ZNF609: variants seen among roughly 807,000 people sequenced by gnomAD.
ZNF609 encodes zinc finger protein 609.
ZNF609 carries 11 observed loss-of-function variants against 109.5 expected under a neutral mutation model. The ratio of observed to expected loss-of-function variants is 0.10; its 90% CI spans 0.06 to 0.17. The LOEUF is 0.17. Among genes scored for constraint, ZNF609 ranks in the 10% least tolerant of loss-of-function variants. The pLI is 1.00. For synonymous variants in ZNF609, 646 were observed against 662.0 expected (o/e 0.98, Z 0.37); for missense variants, 1,559 against 1,772.4 (o/e 0.88, Z 2.16).
intron 8 of ZNF609, 60 bp downstream of exon 8, chr15:64,680,922 C>G: frequency 6.3e-7 from 1 of 1,580,804 alleles, no homozygotes; most frequent in Non-Finnish European, 8.6e-7. Flanking sequence ...TTATCTTCAT[C>G]CCAGTAGTAA....
intron 2 of ZNF609, among the ~76,000 whole-genome samples, chr15:64,569,021 T>A (rs2140411818): frequency 6.6e-6 from 1 of 152,370 alleles, no homozygotes; most frequent in African/African-American, 2.4e-5. Context: ...TTCTCAAACA[T>A]ATGAAGCTTG....
chr15:64,675,887 C>G lies in ZNF609; in HGVS notation c.3033C>G (p.Arg1011=). 3 of 1,614,168 alleles carry G rather than the reference C, an allele frequency of 1.9e-6. No homozygotes were observed. The highest frequency in any genetic ancestry group is 2.5e-6 in the Non-Finnish European group (3 of 1,180,040). Residue 1011 remains arginine (R), a synonymous_variant, in exon 5 of 10, where the codon CGC becomes CGG. Coordinates refer to ENST00000326648, the MANE Select transcript of ZNF609 (RefSeq NM_015042.2). ...YRQQYEEQQK[R]QSLEQQQRGV... ...AGCAGTACGAAGAACAGCAGAAACG[C>G]CAGAGCTTAGAGCAGCAGCAGCGGG... is the stretch of plus-strand genomic sequence containing the variant.
intron 2 of ZNF609, among the ~76,000 whole-genome samples, chr15:64,570,439 A>T (rs561055): frequency 0.74 from 112,985 of 152,170 alleles, 45,494 homozygotes; most frequent in East Asian, 0.96. Flanking sequence ...GGCCTTGCTT[A>T]GAAGCCATGT....
At chr15:64,486,427 G>A (rs923380001) in intron 1 of ZNF609, among the ~76,000 whole-genome samples, 2 of 151,538 alleles carry the variant, frequency 1.3e-5, no homozygotes, top group African/African-American at 4.8e-5. Flanking sequence ...AGGAGACTGA[G>A]GTAGGAGAAT....
At chr15:64,680,123 AC>A in intron 6 of ZNF609, 61 bp from the exon 7 acceptor site, 1 of 1,576,350 alleles carries the variant, frequency 6.3e-7, no homozygotes, top group South Asian at 1.1e-5. Context: ...AATCAAGCTC[AC>A]TAAAGCAGAG....
chr15:64,483,008 A>G (rs1017772021), intron 1 of ZNF609, among the ~76,000 whole-genome samples: 1 of 152,220 alleles, frequency 6.6e-6, no homozygotes, highest in African/African-American at 2.4e-5. Flanking sequence ...AAGGCTATTT[A>G]TAGTCTTTTT....
chr15:64,649,459 T>G (rs1896383451), intron 3 of ZNF609, among the ~76,000 whole-genome samples: 1 of 152,094 alleles, frequency 6.6e-6, no homozygotes, highest in South Asian at 2.1e-4. Context: ...CACACTGAGT[T>G]GAGAATCAGA....
chr15:64,485,959 T>C (rs1238240454), intron 1 of ZNF609, among the ~76,000 whole-genome samples: 1 of 152,190 alleles, frequency 6.6e-6, no homozygotes, highest in African/African-American at 2.4e-5. Context: ...TTTGTATATA[T>C]GTGTTTTCAG....
In ZNF609 at chr15:64,681,524, A is replaced by G. The variant is rs1417877938; in HGVS notation, c.*5+137A>G. The G allele has an allele frequency of 5.0e-5, 36 of 719,288 alleles. No individual in the cohort carries two copies. In the Admixed American group the frequency reaches 8.9e-4, roughly 18 times the overall value. 44.6% of individuals were successfully genotyped at this position (719,288 alleles called of 1,614,324 possible). ...ATGGAACCCTGGCCAAGCCTCTTGT[A>G]CAAGAGTCTCCCGTGAAGCCATGTG... On this transcript the variant is annotated intron_variant, in intron 9 of 9. Coordinates refer to ENST00000326648, the MANE Select transcript of ZNF609 (RefSeq NM_015042.2).
intron 2 of ZNF609, 174 bp downstream of exon 2, chr15:64,500,340 C>G (rs1478581896): frequency 3.3e-6 from 3 of 904,770 alleles, no homozygotes; most frequent in Non-Finnish European, 5.3e-6. Context: ...TTAGAGGATT[C>G]CCCTACAGAC....
At chr15:64,609,096 CTT>C (rs1194226131) in intron 2 of ZNF609, among the ~76,000 whole-genome samples, 1 of 33,710 alleles carries the variant, frequency 3.0e-5, no homozygotes, top group Non-Finnish European at 9.5e-5. Context: ...TTCTTTCTTT[CTT>C]TCTTTCTTTC....
At chr15:64,647,624 C>T (rs1462968246) in intron 3 of ZNF609, among the ~76,000 whole-genome samples, 2 of 152,056 alleles carry the variant, frequency 1.3e-5, no homozygotes, top group South Asian at 2.1e-4. Context: ...CATTAAATGA[C>T]CTTCTATAAC....
rs1373039276 is a variant in ZNF609, at chr15:64,682,373, G to A, written c.*687G>A. 1.3e-5 allele frequency: 2 copies of A among 152,808 alleles called. No homozygotes were observed. The highest frequency in any genetic ancestry group is 2.1e-4 in the South Asian group (1 of 4,826). 9.5% of individuals were successfully genotyped at this position (152,808 alleles called of 1,614,324 possible). Reference sequence around the variant, plus strand: ...AAGGCATCTGCCCCAACATGGCCTTGAGCTGCCTGTGAGGCAGGGGGCAGG... The same window carrying A: ...AAGGCATCTGCCCCAACATGGCCTTAAGCTGCCTGTGAGGCAGGGGGCAGG... On this transcript the variant is annotated 3_prime_UTR_variant, in exon 10 of 10. Transcript: ENST00000326648.
intron 3 of ZNF609, among the ~76,000 whole-genome samples, chr15:64,640,865 A>T (rs1368776694): frequency 6.6e-6 from 1 of 152,232 alleles, no homozygotes; most frequent in Non-Finnish European, 1.5e-5. Context: ...CACTTATGCA[A>T]AGTTTCCCTA....
At chr15:64,621,109 G>A (rs1227528988) in intron 2 of ZNF609, among the ~76,000 whole-genome samples, 1 of 152,184 alleles carries the variant, frequency 6.6e-6, no homozygotes, top group East Asian at 1.9e-4. Context: ...TCCTCACAAA[G>A]GGAAGAGTCC....
intron 1 of ZNF609, among the ~76,000 whole-genome samples, chr15:64,480,473 G>A (rs1857625631): frequency 6.6e-6 from 1 of 151,708 alleles, no homozygotes; most frequent in African/African-American, 2.4e-5. Context: ...GGAAGTTGCA[G>A]TGAGCCGAGA....
At chr15:64,478,154 A>AGG (rs1193015817) in intron 1 of ZNF609, among the ~76,000 whole-genome samples, 24 of 79,018 alleles carry the variant, frequency 3.0e-4, no homozygotes, top group Admixed American at 9.1e-4. Flanking sequence ...TTTAGAATAA[A>AGG]GGTGTGTGTG....
In ZNF609 at chr15:64,676,189, C is replaced by T; in HGVS notation, c.3335C>T (p.Ser1112Phe). 1 of 1,614,170 alleles carries T rather than the reference C, an allele frequency of 6.2e-7. No homozygotes were observed. Among genetic ancestry groups the T allele is most frequent in the Non-Finnish European group, 8.5e-7 (1 of 1,180,026 alleles). Residue 1112 changes from serine (S) to phenylalanine (F), a missense_variant, in exon 5 of 10, where the codon TCT (serine) becomes TTT (phenylalanine). Coordinates refer to ENST00000326648, the MANE Select transcript of ZNF609 (RefSeq NM_015042.2). The part of the protein sequence containing the change: ...SDASHLSKEA[S>F]EAKTGAECGR... Reference sequence around the variant, plus strand: ...GCCAGCCACCTAAGCAAGGAGGCCTCTGAGGCCAAGACAGGTGCTGAGTGT... The same window carrying T: ...GCCAGCCACCTAAGCAAGGAGGCCTTTGAGGCCAAGACAGGTGCTGAGTGT...
At chr15:64,479,972 C>T (rs1163908915) in intron 1 of ZNF609, among the ~76,000 whole-genome samples, 4 of 115,424 alleles carry the variant, frequency 3.5e-5, no homozygotes, top group African/African-American at 6.0e-5. Flanking sequence ...CAGTGGCTCA[C>T]GCCTTTAATC....
Sources: allele counts gnomAD v4.1 joint callset (sites outside exome capture counted in the v4.1 genomes callset), GRCh38; gene constraint gnomAD v4.1.1; transcripts MANE v1.5; gene names NCBI Gene and HGNC (gene_info 2026-07-23, HGNC 2026-07-21).